TRPM3: variants seen among roughly 807,000 people sequenced by gnomAD.
The protein encoded by TRPM3 is transient receptor potential cation channel subfamily M member 3, also known as long transient receptor potential channel 3.
In TRPM3, 77 loss-of-function variants were observed where a neutral mutation model predicts 181.2. That is an observed-to-expected ratio of 0.42 (90% CI 0.35 to 0.51). The LOEUF is 0.51. TRPM3 is among the 20% of genes least tolerant of loss of function. The pLI, the probability that TRPM3 is intolerant of heterozygous loss-of-function variation, is 0.01. For synonymous variants in TRPM3, 745 were observed against 796.4 expected (o/e 0.94, Z 1.09); for missense variants, 1,759 against 2,196.7 (o/e 0.80, Z 3.98).
chr9:71,140,049 C>T (rs777424779), intron 1 of TRPM3, among the ~76,000 whole-genome samples: 9 of 152,104 alleles, frequency 5.9e-5, no homozygotes, highest in Non-Finnish European at 1.2e-4. Flanking sequence ...AGAGCTATAG[C>T]AATCATCTTG....
intron 3 of TRPM3, among the ~76,000 whole-genome samples, chr9:70,849,683 C>T (rs912414004): frequency 2.6e-5 from 4 of 151,972 alleles, no homozygotes; most frequent in African/African-American, 9.7e-5. Context: ...CATTCTAAAG[C>T]CTATGTTGTG....
chr9:70,876,658 C>T lies in TRPM3; in HGVS notation c.178-12147G>A, dbSNP rs796929612. 2.0e-5 allele frequency among the ~76,000 whole-genome samples: 3 copies of T among 151,960 alleles called. No individual in the cohort carries two copies. In the South Asian group the frequency reaches 6.2e-4, roughly 32 times the overall value. ...CTGTTTTCCCACCATCTCACCCTTA[C>T]ACTCATGTAGAGTTCTAATCTCTGA... On this transcript the variant is annotated intron_variant, in intron 1 of 25. Coordinates refer to ENST00000677713, the MANE Select transcript of TRPM3 (RefSeq NM_001366145.2).
At chr9:71,196,180 TGTG>T (rs2078345381) in intron 1 of TRPM3, among the ~76,000 whole-genome samples, 1 of 151,764 alleles carries the variant, frequency 6.6e-6, no homozygotes, top group Non-Finnish European at 1.5e-5. Context: ...TGTGTGTGTG[TGTG>T]TGTGTGTGTG....
chr9:71,073,469 G>C (rs1336168012), intron 1 of TRPM3, among the ~76,000 whole-genome samples: 2 of 152,166 alleles, frequency 1.3e-5, no homozygotes, highest in African/African-American at 2.4e-5. Context: ...GCTTGAGAAA[G>C]TGTAGAAGTC....
At chr9:70,799,409 T>G (rs972926979) in intron 6 of TRPM3, among the ~76,000 whole-genome samples, 4 of 152,224 alleles carry the variant, frequency 2.6e-5, no homozygotes, top group Non-Finnish European at 5.9e-5. Flanking sequence ...TATTTGATTA[T>G]CTGGACATCT....
chr9:71,434,349 C>T (rs185641401), intron 1 of TRPM3, among the ~76,000 whole-genome samples: 57 of 152,200 alleles, frequency 3.7e-4, no homozygotes, highest in African/African-American at 1.2e-3. Flanking sequence ...AGTTCCACTA[C>T]GTAAGAACAC....
chr9:71,335,595 A>G (rs1472339527), intron 1 of TRPM3, among the ~76,000 whole-genome samples: 2 of 152,074 alleles, frequency 1.3e-5, no homozygotes, highest in Non-Finnish European at 2.9e-5. Flanking sequence ...CATTTGAAAT[A>G]ATATAAGAAA....
At chr9:70,659,489 T>A (rs2060816335) in intron 9 of TRPM3, among the ~76,000 whole-genome samples, 1 of 152,092 alleles carries the variant, frequency 6.6e-6, no homozygotes. Context: ...TTAAAGCCAA[T>A]ATAAAAGCCT....
intron 7 of TRPM3, among the ~76,000 whole-genome samples, chr9:70,783,460 G>A (rs2082906897): frequency 6.6e-6 from 1 of 152,140 alleles, no homozygotes; most frequent in South Asian, 2.1e-4. Flanking sequence ...GATTGGAGGG[G>A]AGTGCTGTGA....
At chr9:70,682,851 G>A (rs2065817822) in intron 8 of TRPM3, among the ~76,000 whole-genome samples, 1 of 152,136 alleles carries the variant, frequency 6.6e-6, no homozygotes. Context: ...GATAATAATG[G>A]TGCTTATGTA....
intron 1 of TRPM3, among the ~76,000 whole-genome samples, chr9:70,976,463 G>T (rs2097303892): frequency 6.6e-6 from 1 of 152,192 alleles, no homozygotes; most frequent in East Asian, 1.9e-4. Flanking sequence ...AAGAATCCTA[G>T]CCCATCTCAA....
At chr9:71,130,910 T>C (rs2074331265) in intron 1 of TRPM3, among the ~76,000 whole-genome samples, 1 of 152,246 alleles carries the variant, frequency 6.6e-6, no homozygotes, top group African/African-American at 2.4e-5. Flanking sequence ...CGTATGTTTT[T>C]CTTTGTACTT....
Position 71,218,318 on chromosome 9 carries a change from T to G in TRPM3, c.183+228335A>C, listed in dbSNP as rs1230121776. On this transcript the variant is annotated intron_variant, in intron 1 of 24. Transcript: ENST00000357533. ...GTAGCACTCATTACATGTCCAGCGC[T>G]CTCTATATATTAATTCATTTAATCA... Among the ~76,000 whole-genome samples, 6 of 152,166 alleles carry G rather than the reference T, an allele frequency of 3.9e-5. No individual in the cohort carries two copies. In the South Asian group the frequency reaches 8.3e-4, roughly 21 times the overall value.
chr9:71,001,113 T>C (rs1344076605), intron 1 of TRPM3, among the ~76,000 whole-genome samples: 1 of 152,094 alleles, frequency 6.6e-6, no homozygotes, highest in South Asian at 2.1e-4. Flanking sequence ...AGTTCATGGG[T>C]GGGTGATTAA....
intron 1 of TRPM3, among the ~76,000 whole-genome samples, chr9:71,282,080 G>A (rs1239495833): frequency 4.7e-4 from 16 of 34,108 alleles, no homozygotes; most frequent in African/African-American, 2.2e-3. Flanking sequence ...AGGAAAGAAA[G>A]GAAAGAAAGA....
intron 5 of TRPM3, among the ~76,000 whole-genome samples, chr9:70,840,593 A>C (rs1245506840): frequency 6.6e-6 from 1 of 152,138 alleles, no homozygotes; most frequent in African/African-American, 2.4e-5. Flanking sequence ...GCATACAACC[A>C]AGAAGAAGAA....
chr9:70,978,244 G>T (rs180891921), intron 1 of TRPM3, among the ~76,000 whole-genome samples: 5 of 152,216 alleles, frequency 3.3e-5, no homozygotes, highest in African/African-American at 1.2e-4. Context: ...TAGCTGTAGC[G>T]CAGCTATGAC....
chr9:71,331,969 G>A (rs1350151963), intron 1 of TRPM3, among the ~76,000 whole-genome samples: 1 of 142,930 alleles, frequency 7.0e-6, no homozygotes, highest in Non-Finnish European at 1.5e-5. Context: ...GGAGGGAGGA[G>A]GAGGAGAAGG....
At chr9:70,750,010 T>C (rs2075846995) in intron 8 of TRPM3, among the ~76,000 whole-genome samples, 4 of 152,216 alleles carry the variant, frequency 2.6e-5, no homozygotes, top group Admixed American at 2.6e-4. Flanking sequence ...AACCAACTAA[T>C]TCTAGCAGAG....
Sources: gnomAD v4.1 joint callset for allele counts (sites outside exome capture counted in the v4.1 genomes callset) on GRCh38, gnomAD v4.1.1 for gene constraint, MANE v1.5 for transcripts, NCBI Gene and HGNC (gene_info 2026-07-23, HGNC 2026-07-21) for gene names.